TBX15: variants seen among roughly 807,000 people sequenced by gnomAD.
The protein encoded by TBX15 is T-box transcription factor TBX15.
In TBX15, 18 loss-of-function variants were observed where a neutral mutation model predicts 53.9. The ratio of observed to expected loss-of-function variants is 0.33; its 90% confidence interval spans 0.23 to 0.49. The LOEUF (loss-of-function observed/expected upper bound fraction) is 0.49. Among genes scored for constraint, TBX15 ranks in the 20% least tolerant of loss-of-function variants. The pLI is 0.98. For missense variants in TBX15, 692 were observed against 749.5 expected, an observed-to-expected ratio of 0.92 and a Z score of 0.90; for synonymous variants, 295 against 278.0, an observed-to-expected ratio of 1.06 and a Z score of -0.61.
intron 1 of TBX15, among the ~76,000 whole-genome samples, chr1:118,959,024 C>CAGAGAGAGAGAGAGAG (rs10563585): frequency 0.066 from 9,450 of 144,046 alleles, 547 homozygotes; most frequent in East Asian, 0.3. Flanking sequence ...GGTATAATAT[C>CAGAGAGAGAGAGAGAG]AGAGAGAGAG....
intron 2 of TBX15, among the ~76,000 whole-genome samples, chr1:118,927,919 G>T (rs1487555841): frequency 6.6e-6 from 1 of 152,226 alleles, no homozygotes; most frequent in Non-Finnish European, 1.5e-5. Context: ...GCAAAATGCT[G>T]CATTAAGCTT....
At chr1:118,961,731 C>T (rs570509123) in intron 1 of TBX15, among the ~76,000 whole-genome samples, 2 of 152,302 alleles carry the variant, frequency 1.3e-5, no homozygotes, top group African/African-American at 4.8e-5. Context: ...TTTCCCACTA[C>T]AAGCTGAGTC....
At position 118,987,933 on chromosome 1, in the gene TBX15, G is replaced by C; in HGVS notation, c.-138C>G. Reference sequence around the variant, plus strand: ...GACGAGGCTGAGACTGCGGCTCGCGGGTCTCTCCACCCTCCCCCTGCGTCC... The same window carrying C: ...GACGAGGCTGAGACTGCGGCTCGCGCGTCTCTCCACCCTCCCCCTGCGTCC... On this transcript the variant is annotated 5_prime_UTR_variant, in exon 1 of 8. Transcript: ENST00000369429. 3 of 1,080,974 alleles carry C rather than the reference G, an allele frequency of 2.8e-6. No homozygotes were observed. The highest frequency in any genetic ancestry group is 2.6e-6 in the Non-Finnish European group (2 of 762,376). 67.0% of individuals were successfully genotyped at this position (1,080,974 alleles called of 1,614,324 possible).
Position 118,978,101 on chromosome 1 carries a change from G to A in TBX15, c.205+9490C>T, listed in dbSNP as rs545557073. Among the ~76,000 whole-genome samples, 7 of 152,246 alleles carry A rather than the reference G, an allele frequency of 4.6e-5. No individual in the cohort carries two copies. In the South Asian group the frequency reaches 1.0e-3, roughly 23 times the overall value. On this transcript the variant is annotated intron_variant, in intron 1 of 7. Transcript: ENST00000369429. ...AATGCCGTAGAACCCTTTCAACAGCGTTCACGCAAGCAACAATAGGTTACA... is the reference window on the plus strand; with the variant it reads ...AATGCCGTAGAACCCTTTCAACAGCATTCACGCAAGCAACAATAGGTTACA...
At position 118,898,461 on chromosome 1, in the gene TBX15, CA is replaced by C. The variant is rs1654505144; in HGVS notation, c.1024+566del. On this transcript the variant is annotated intron_variant, in intron 7 of 7. Transcript: ENST00000369429. ...AAAATTATAAATTGGATAAAAAGCA[CA>C]AAGTTCAAAGCAGTAGGGGGGAAAG... Among the ~76,000 whole-genome samples, 3 of 152,088 alleles carry C rather than the reference CA, an allele frequency of 2.0e-5. No homozygotes were observed. In the South Asian group the frequency reaches 6.2e-4, roughly 32 times the overall value.
At chr1:118,962,326 A>G (rs1354723149) in intron 1 of TBX15, among the ~76,000 whole-genome samples, 1 of 152,174 alleles carries the variant, frequency 6.6e-6, no homozygotes, top group African/African-American at 2.4e-5. Flanking sequence ...CTGGTTGCCT[A>G]CATAACCTCA....
rs562519404 is a variant in TBX15 at position 118,934,807 on chromosome 1, G to A, written c.206-2975C>T. The stretch of plus-strand genomic sequence containing the variant: ...TACTAGAAAGGAAATGGGCAAGTCT[G>A]TGGAGGCATAGGCAGTATTTGTCCA... On this transcript the variant is annotated intron_variant, in intron 1 of 7. Coordinates refer to ENST00000369429, the MANE Select transcript of TBX15 (RefSeq NM_001330677.2). Among the ~76,000 whole-genome samples the A allele has an allele frequency of 2.6e-5, 4 of 152,340 alleles. No homozygotes were observed. In the East Asian group the frequency reaches 7.7e-4, roughly 29 times the overall value.
intron 4 of TBX15, among the ~76,000 whole-genome samples, chr1:118,924,207 C>G (rs1401940711): frequency 1.3e-5 from 2 of 152,164 alleles, no homozygotes; most frequent in Admixed American, 1.3e-4. Context: ...ATCACACGCT[C>G]CAATTATACC....
At chr1:118,932,500 T>A (rs975854027) in intron 1 of TBX15, among the ~76,000 whole-genome samples, 5 of 152,120 alleles carry the variant, frequency 3.3e-5, no homozygotes, top group South Asian at 4.1e-4. Context: ...TGTAAGCATA[T>A]GGAAAAAGTT....
chr1:118,914,138 T>C lies in TBX15; in HGVS notation c.903A>G (p.Gly301=). The C allele has an allele frequency of 6.2e-7, 1 of 1,613,866 alleles. No homozygotes were observed. Among genetic ancestry groups the C allele is most frequent in the Non-Finnish European group, 8.5e-7 (1 of 1,179,826 alleles). The part of the protein sequence containing the change: ...LKIDRNPFAK[G]FRDSGRNRTG... ...ACCTGTTTCTCCCAGAATCTCTGAA[T>C]CCTTTAGCAAAAGGGTTTCGGTCAA... Residue 301 remains glycine, a synonymous_variant, in exon 6 of 8, where the codon GGA becomes GGG. Transcript: ENST00000369429.
chr1:118,906,851 C>G (rs1179424358), intron 6 of TBX15, among the ~76,000 whole-genome samples: 1 of 152,172 alleles, frequency 6.6e-6, no homozygotes, highest in Non-Finnish European at 1.5e-5. Flanking sequence ...GCAAACACTC[C>G]AAGAATGAAC....
intron 6 of TBX15, among the ~76,000 whole-genome samples, chr1:118,910,163 T>C (rs1335078623): frequency 6.6e-6 from 1 of 152,164 alleles, no homozygotes; most frequent in East Asian, 1.9e-4. Flanking sequence ...CCTGAACATG[T>C]TTTGGTTTGA....
chr1:118,924,922 T>G, intron 3 of TBX15, 105 bp from the exon 4 acceptor site: 2 of 1,226,922 alleles, frequency 1.6e-6, no homozygotes, highest in Non-Finnish European at 2.4e-6. Context: ...AACAAAGAGA[T>G]TACATGAATG....
At chr1:118,893,269 A>AAG (rs1654218887) in intron 7 of TBX15, among the ~76,000 whole-genome samples, 2 of 61,086 alleles carry the variant, frequency 3.3e-5, no homozygotes, top group Non-Finnish European at 5.5e-5. Context: ...AAAGAAAGGA[A>AAG]GAAGGAAGGA....
intron 1 of TBX15, among the ~76,000 whole-genome samples, chr1:118,986,278 G>A (rs1657833554): frequency 6.6e-6 from 1 of 152,200 alleles, no homozygotes; most frequent in Admixed American, 6.5e-5. Flanking sequence ...CCACGCAGGG[G>A]TCCGCGTGGA....
rs1653786921 is a variant in TBX15 at position 118,883,261 on chromosome 1, TGTATTATTTTACTTG to T, written c.*1456_*1470del. ...CAAAACCAGAAACTTTAATAATATC[TGTATTATTTTACTTG>T]GTATTATTTGCATTTCCACACCATT... On this transcript the variant is annotated 3_prime_UTR_variant, in exon 8 of 8. Transcript: ENST00000369429. 1 of 152,608 alleles carries T rather than the reference TGTATTATTTTACTTG, an allele frequency of 6.6e-6. No homozygotes were observed. Among genetic ancestry groups the T allele is most frequent in the Non-Finnish European group, 1.5e-5 (1 of 68,036 alleles). The allele number at this position is 152,608 out of a possible 1,614,324, so 9.5% of individuals were successfully genotyped here.
At chr1:118,986,262 G>A (rs185483726) in intron 1 of TBX15, among the ~76,000 whole-genome samples, 4 of 152,228 alleles carry the variant, frequency 2.6e-5, no homozygotes, top group African/African-American at 9.6e-5. Flanking sequence ...TGCCTTTCTG[G>A]AATGCCCACG....
At chr1:118,980,330 T>TA (rs982891417) in intron 1 of TBX15, among the ~76,000 whole-genome samples, 1 of 152,092 alleles carries the variant, frequency 6.6e-6, no homozygotes, top group Non-Finnish European at 1.5e-5. Context: ...AACTAAAAGC[T>TA]AAAAAAACTC....
chr1:118,898,425 G>A (rs1654504044), intron 7 of TBX15, among the ~76,000 whole-genome samples: 1 of 152,126 alleles, frequency 6.6e-6, no homozygotes, highest in African/African-American at 2.4e-5. Context: ...AACCTGAGCT[G>A]CGAGGAAAGA....
Sources: allele counts gnomAD v4.1 joint callset (sites outside exome capture counted in the v4.1 genomes callset), GRCh38; gene constraint gnomAD v4.1.1; transcripts MANE v1.5; gene names NCBI Gene and HGNC (gene_info 2026-07-23, HGNC 2026-07-21).